The following LIMCH1 variants were observed in gnomAD, a reference collection of about 807,000 sequenced individuals.
LIMCH1 encodes the protein LIM and calponin homology domains-containing protein 1.
Under a neutral mutation model 176.5 loss-of-function variants are expected in LIMCH1, and 113 were observed. The observed-to-expected ratio is 0.64, with a 90% CI of 0.55 to 0.75. The LOEUF is 0.75. Ranked by LOEUF, LIMCH1 falls within the 30% of genes least tolerant of loss-of-function variation. LIMCH1 has a pLI of 0.00. For synonymous variants in LIMCH1, 619 were observed against 645.9 expected (o/e 0.96, Z 0.63); for missense variants, 1,674 against 1,814.9 (o/e 0.92, Z 1.41).
rs912002032 is a variant in LIMCH1, at chr4:41,666,750, G to T, written c.3397+84G>T. ...ATTACTTAATTTAAAGGAAGATTAC[G>T]TCCTTTATGTTGCTATTCCTTTAGC... is the stretch of plus-strand genomic sequence containing the variant. On this transcript the variant is annotated intron_variant, in intron 21 of 31. Coordinates refer to ENST00000503057, the MANE Select transcript of LIMCH1 (RefSeq NM_001330672.2). The T allele has an allele frequency of 3.4e-6, 3 of 881,996 alleles. No individual in the cohort carries two copies. In the African/African-American group the frequency reaches 5.0e-5, roughly 15 times the overall value. 54.6% of individuals were successfully genotyped at this position (881,996 alleles called of 1,614,324 possible). A position where few individuals can be genotyped will look rare whatever the true frequency, so the allele number is the denominator to read the frequency against.
intron 1 of LIMCH1, among the ~76,000 whole-genome samples, chr4:41,377,899 T>C (rs1283559891): frequency 6.6e-6 from 1 of 152,170 alleles, no homozygotes; most frequent in Non-Finnish European, 1.5e-5. Flanking sequence ...AATCCAATCA[T>C]GAGGGCAGAA....
rs1279803030 is a variant in LIMCH1, at chr4:41,631,328, G to T, written c.1452G>T (p.Arg484=). The T allele has an allele frequency of 2.6e-6, 4 of 1,536,046 alleles. No homozygotes were observed. In the Admixed American group the frequency reaches 5.9e-5, roughly 23 times the overall value. The change falls in exon 10 of 32, where the codon CGG becomes CGT. Residue 484 remains arginine, a synonymous_variant. Coordinates refer to ENST00000503057, the MANE Select transcript of LIMCH1 (RefSeq NM_001330672.2). The stretch of plus-strand genomic sequence containing the variant: ...AGCTAGATCAGCAGAAATGGAAGCG[G>T]CTTAGCATTGGCAAGGCTGGGCCTA... ...VTELDQQKWK[R]LSIGKAGPRE...
intron 2 of LIMCH1, among the ~76,000 whole-genome samples, chr4:41,603,511 C>T (rs969163747): frequency 2.0e-5 from 3 of 152,142 alleles, no homozygotes; most frequent in African/African-American, 7.2e-5. Flanking sequence ...TTTGGAAGTG[C>T]AGTCGGATTT....
intron 23 of LIMCH1, among the ~76,000 whole-genome samples, chr4:41,676,970 C>T (rs931100342): frequency 3.3e-5 from 5 of 152,046 alleles, no homozygotes; most frequent in African/African-American, 1.2e-4. Flanking sequence ...GGAGACCAGC[C>T]TGGCCAACAT....
chr4:41,413,218 G>GC (rs2059637322), intron 1 of LIMCH1, among the ~76,000 whole-genome samples: 1 of 139,862 alleles, frequency 7.1e-6, no homozygotes. Context: ...GACATAATAA[G>GC]TTTTTTTTTT....
chr4:41,624,562 C>T (rs748558223), intron 7 of LIMCH1, among the ~76,000 whole-genome samples: 14 of 146,690 alleles, frequency 9.5e-5, no homozygotes, highest in Non-Finnish European at 1.3e-4. Flanking sequence ...AGGCAAAAAC[C>T]GCAATTACTT....
intron 2 of LIMCH1, among the ~76,000 whole-genome samples, chr4:41,515,757 G>A (rs947945163): frequency 6.6e-6 from 1 of 152,198 alleles, no homozygotes; most frequent in African/African-American, 2.4e-5. Flanking sequence ...GCTTCCTGCT[G>A]CTCTTGGAAT....
intron 8 of LIMCH1, among the ~76,000 whole-genome samples, chr4:41,628,944 T>C (rs1349920380): frequency 6.6e-6 from 1 of 152,250 alleles, no homozygotes; most frequent in East Asian, 1.9e-4. Flanking sequence ...ACATTGAAAC[T>C]TTCTGTTCAG....
chr4:41,428,017 C>A (rs2061273841), intron 1 of LIMCH1, among the ~76,000 whole-genome samples: 1 of 151,326 alleles, frequency 6.6e-6, no homozygotes, highest in African/African-American at 2.4e-5. Flanking sequence ...AAAAAAAATT[C>A]TCTGAAATGT....
chr4:41,657,693 A>G (rs2094501904), intron 18 of LIMCH1, among the ~76,000 whole-genome samples: 2 of 152,230 alleles, frequency 1.3e-5, no homozygotes, highest in Admixed American at 1.3e-4. Flanking sequence ...GATGACTAGC[A>G]TACATTTAAA....
chr4:41,491,007 C>T lies in LIMCH1; in HGVS notation c.97-3529C>T, dbSNP rs1210676985. ...GCAGAGGTGCTCCTCACTTCCCAGA[C>T]GGGGCGGCTGGGCAGAGGTGCACCT... On this transcript the variant is annotated intron_variant, in intron 1 of 26. Transcript: ENST00000313860. Among the ~76,000 whole-genome samples, 34 of 143,136 alleles carry T rather than the reference C, an allele frequency of 2.4e-4. No homozygotes were observed. In the South Asian group the frequency reaches 2.5e-3, roughly 11 times the overall value. The allele number at this position is 143,136 out of a possible 152,430, so 93.9% of individuals were successfully genotyped here. A position where few individuals can be genotyped will look rare whatever the true frequency, so the allele number is the denominator to read the frequency against.
At chr4:41,672,229 G>T (rs2095066684) in intron 22 of LIMCH1, among the ~76,000 whole-genome samples, 1 of 152,106 alleles carries the variant, frequency 6.6e-6, no homozygotes, top group African/African-American at 2.4e-5. Context: ...AATTAGCTGG[G>T]TGTGCTGGCG....
chr4:41,570,655 A>C (rs978456859), intron 1 of LIMCH1, among the ~76,000 whole-genome samples: 10 of 152,208 alleles, frequency 6.6e-5, no homozygotes, highest in African/African-American at 2.2e-4. Context: ...TGGCAAAGAA[A>C]TGTTTAGTAG....
intron 1 of LIMCH1, among the ~76,000 whole-genome samples, chr4:41,456,021 CT>C (rs538896425): frequency 2.7e-3 from 403 of 151,928 alleles, no homozygotes; most frequent in African/African-American, 9.2e-3. Flanking sequence ...GTGAGACACA[CT>C]TTTTTTTGTT....
intron 1 of LIMCH1, among the ~76,000 whole-genome samples, chr4:41,449,630 G>A (rs567413544): frequency 1.3e-5 from 2 of 152,132 alleles, no homozygotes; most frequent in South Asian, 4.2e-4. Context: ...CTAGAATGTC[G>A]ATGCCACTTT....
intron 3 of LIMCH1, among the ~76,000 whole-genome samples, chr4:41,530,041 T>G (rs1186587916): frequency 6.6e-6 from 1 of 152,230 alleles, no homozygotes; most frequent in African/African-American, 2.4e-5. Context: ...TAAGTTTCCA[T>G]AAGTTCTTTA....
chr4:41,503,019 A>G (rs1311729125), intron 2 of LIMCH1, among the ~76,000 whole-genome samples: 44 of 151,644 alleles, frequency 2.9e-4, no homozygotes, highest in Non-Finnish European at 5.3e-4. Context: ...CCATCCATCC[A>G]TCCATCCATC....
intron 1 of LIMCH1, among the ~76,000 whole-genome samples, chr4:41,399,952 G>A (rs1356663847): frequency 2.0e-5 from 3 of 149,660 alleles, no homozygotes; most frequent in Admixed American, 6.7e-5. Flanking sequence ...AAAGTGCTGG[G>A]ATTACAGGCG....
At chr4:41,449,546 CAGTGTTGATA>C (rs2063629286) in intron 1 of LIMCH1, among the ~76,000 whole-genome samples, 1 of 152,144 alleles carries the variant, frequency 6.6e-6, no homozygotes, top group Non-Finnish European at 1.5e-5. Flanking sequence ...CTTATTACAG[CAGTGTTGATA>C]AGTATATTCT....
Sources: gnomAD v4.1 joint callset for allele counts (sites outside exome capture counted in the v4.1 genomes callset) on GRCh38, gnomAD v4.1.1 for gene constraint, MANE v1.5 for transcripts, NCBI Gene and HGNC (gene_info 2026-07-23, HGNC 2026-07-21) for gene names.